CCDC136: variants seen among roughly 807,000 people sequenced by gnomAD.
The protein encoded by CCDC136 is coiled-coil domain containing 136, also known as coiled-coil domain-containing protein 136.
Under a neutral mutation model 141.2 loss-of-function variants are expected in CCDC136, and 100 were observed. The ratio of observed to expected loss-of-function variants is 0.71; its 90% CI spans 0.60 to 0.84. The LOEUF (loss-of-function observed/expected upper bound fraction) is 0.84, where lower values mean the gene tolerates loss of function less well. Among genes scored for constraint, CCDC136 ranks in the 40% least tolerant of loss-of-function variants. CCDC136 has a pLI of 0.00. For missense variants in CCDC136, 1,206 were observed against 1,379.4 expected (o/e 0.87, Z 1.99); for synonymous variants, 474 against 531.9 (o/e 0.89, Z 1.50).
In CCDC136 at chr7:128,815,673, A is replaced by T; in HGVS notation, c.3105A>T (p.Lys1035Asn). The stretch of plus-strand genomic sequence containing the variant: ...AGAGGAAATTAGATGGACTAGCAAA[A>T]GAGGAGGAAAAGAAAGAGGAGATGG... ...ASQRKLDGLA[K>N]EEEKKEEMEE... The change falls in exon 16 of 18, where the codon AAA becomes AAT. Residue 1035 changes from lysine (K) to asparagine (N), a missense_variant. Coordinates refer to ENST00000297788, the MANE Select transcript of CCDC136 (RefSeq NM_022742.5). The T allele has an allele frequency of 6.4e-7, 1 of 1,555,754 alleles. No homozygotes were observed. Among genetic ancestry groups the T allele is most frequent in the Non-Finnish European group, 8.7e-7 (1 of 1,149,334 alleles).
Position 128,805,707 on chromosome 7 carries a change from G to A in CCDC136, c.949-54G>A, listed in dbSNP as rs1225641030. ...CATGCTTTCCCCAAGCTTGTTCTTG[G>A]AGCATATGTGGTATCTGTAGTAAAC... On this transcript the variant is annotated intron_variant, in intron 6 of 17. Transcript: ENST00000297788. The surrounding 1 kb of genome is among the most constrained non-coding windows in gnomAD (Gnocchi z 4.6). The A allele has an allele frequency of 1.2e-6, 2 of 1,602,378 alleles. No homozygotes were observed. The highest frequency in any genetic ancestry group is 8.5e-7 in the Non-Finnish European group (1 of 1,173,208).
intron 4 of CCDC136, among the ~76,000 whole-genome samples, chr7:128,802,221 T>G (rs147553356): frequency 6.6e-6 from 1 of 152,302 alleles, no homozygotes; most frequent in African/African-American, 2.4e-5. Context: ...TTTCAGACAG[T>G]GAGTCTCCCA....
chr7:128,808,780 C>T, intron 10 of CCDC136: 1 of 985,378 alleles, frequency 1.0e-6, no homozygotes, highest in Non-Finnish European at 1.2e-6. Flanking sequence ...CTGTGACTTG[C>T]TCGTCACCTC....
chr7:128,796,189 T>G (rs776904161), intron 3 of CCDC136, among the ~76,000 whole-genome samples: 3 of 152,184 alleles, frequency 2.0e-5, no homozygotes, highest in Non-Finnish European at 4.4e-5. Flanking sequence ...TTGGCCAGGC[T>G]GGTCTTGAAG....
chr7:128,809,430 A>G lies in CCDC136; in HGVS notation c.1606-20A>G. 1.7e-6 allele frequency: 2 copies of G among 1,189,914 alleles called. No homozygotes were observed. The highest frequency in any genetic ancestry group is 1.5e-5 in the African/African-American group (1 of 64,712). 73.7% of individuals were successfully genotyped at this position (1,189,914 alleles called of 1,614,324 possible). ...ACCTTACAGAGTAACCACCCCCTCC[A>G]CACCCGCCCCCACCCACAGTGTGAC... On this transcript the variant is annotated intron_variant, in intron 10 of 17. Transcript: ENST00000297788.
chr7:128,820,345 C>T (rs1296454593), intron 17 of CCDC136, among the ~76,000 whole-genome samples: 3 of 152,180 alleles, frequency 2.0e-5, no homozygotes, highest in Admixed American at 1.3e-4. Context: ...AACATGATTC[C>T]GGTGATTTGT....
At chr7:128,791,325 T>C (rs1802132382), upstream of CCDC136, 3 of 378,836 alleles carry the variant, frequency 7.9e-6, no homozygotes, top group Admixed American at 1.4e-4. This position sits in a 1 kb window ranked among gnomAD's most constrained non-coding sequence, Gnocchi z 7.1. Context: ...TCCCGAGTGC[T>C]GGGAGGGCTT....
chr7:128,817,818 T>G lies in CCDC136; in HGVS notation c.3424T>G (p.Ser1142Ala), dbSNP rs1373222876. 6.2e-7 allele frequency: 1 copy of G among 1,613,934 alleles called. No homozygotes were observed. The highest frequency in any genetic ancestry group is 8.5e-7 in the Non-Finnish European group (1 of 1,179,874). Residue 1142 changes from serine to alanine, a missense_variant, in exon 17 of 18, where the codon TCG (serine) becomes GCG (alanine). Transcript: ENST00000297788. This position sits in a 1 kb window ranked among gnomAD's most constrained non-coding sequence, Gnocchi z 4.6. ...SLPLVGLVVI[S>A]ALLWCWWAET... Reference sequence around the variant, plus strand: ...GCCTCTTGTAGGCCTGGTGGTCATCTCGGCTTTGCTCTGGTGCTGGTGGGC... The same window carrying G: ...GCCTCTTGTAGGCCTGGTGGTCATCGCGGCTTTGCTCTGGTGCTGGTGGGC...
Position 128,817,860 on chromosome 7 carries a change from T to G in CCDC136, c.*1T>G. 1 of 1,612,172 alleles carries G rather than the reference T, an allele frequency of 6.2e-7. No homozygotes were observed. Among genetic ancestry groups the G allele is most frequent in the South Asian group, 1.1e-5 (1 of 91,028 alleles). On this transcript the variant is annotated 3_prime_UTR_variant, in exon 17 of 18. Coordinates refer to ENST00000297788, the MANE Select transcript of CCDC136 (RefSeq NM_022742.5). The surrounding 1 kb of genome is among the most constrained non-coding windows in gnomAD (Gnocchi z 4.6). ...CTGGTGGGCTGAGACGTCGTCCTAA[T>G]GCAGGTACTGGTATTGCTTCCTCTC...
At chr7:128,791,386 C>T, upstream of CCDC136, 1 of 766,056 alleles carries the variant, frequency 1.3e-6, no homozygotes, top group Non-Finnish European at 1.8e-6. This position sits in a 1 kb window ranked among gnomAD's most constrained non-coding sequence, Gnocchi z 7.1. Flanking sequence ...CGGCCAGGCC[C>T]CGCCCCCTCG....
intron 12 of CCDC136, 48 bp downstream of exon 12, chr7:128,810,414 AT>A (rs1165974555): frequency 2.2e-6 from 3 of 1,386,202 alleles, no homozygotes; most frequent in Non-Finnish European, 3.0e-6. Context: ...GCACAACAGC[AT>A]GGCAGAGAGA....
chr7:128,807,356 C>T lies in CCDC136; in HGVS notation c.1420-4C>T. On this transcript the variant is annotated splice_polypyrimidine_tract_variant and splice_region_variant and intron_variant, in intron 9 of 17. Transcript: ENST00000297788. Reference sequence around the variant, plus strand: ...TGATGGCCAGGCCTGCCTCCCCTGCCCAGGACACAGAGACGCACGCTCAGC... The same window carrying T: ...TGATGGCCAGGCCTGCCTCCCCTGCTCAGGACACAGAGACGCACGCTCAGC... 6.7e-7 allele frequency: 1 copy of T among 1,501,290 alleles called. No individual in the cohort carries two copies. Among genetic ancestry groups the T allele is most frequent in the Non-Finnish European group, 8.9e-7 (1 of 1,121,774 alleles). The allele number at this position is 1,501,290 out of a possible 1,614,324, so 93.0% of individuals were successfully genotyped here.
Position 128,805,298 on chromosome 7 carries a change from C to A in CCDC136, c.783-61C>A, listed in dbSNP as rs1015624976. The A allele has an allele frequency of 4.0e-6, 6 of 1,495,328 alleles. No individual in the cohort carries two copies. In the African/African-American group the frequency reaches 8.3e-5, roughly 21 times the overall value. The allele number at this position is 1,495,328 out of a possible 1,614,324, so 92.6% of individuals were successfully genotyped here. Reference sequence around the variant, plus strand: ...AATGAAGGTATCAGGACAAAGCCTGCATGGCTGGTGATGCCAGGCAGAACT... The same window carrying A: ...AATGAAGGTATCAGGACAAAGCCTGAATGGCTGGTGATGCCAGGCAGAACT... On this transcript the variant is annotated intron_variant, in intron 5 of 17. Coordinates refer to ENST00000297788, the MANE Select transcript of CCDC136 (RefSeq NM_022742.5). The surrounding 1 kb of genome is among the most constrained non-coding windows in gnomAD (Gnocchi z 4.6).
At chr7:128,819,343 C>T (rs1159706364) in intron 17 of CCDC136, among the ~76,000 whole-genome samples, 1 of 152,204 alleles carries the variant, frequency 6.6e-6, no homozygotes, top group East Asian at 1.9e-4. Flanking sequence ...GCGTGGCTGC[C>T]AGGCGGTCAG....
At chr7:128,802,491 C>T (rs1343348125) in intron 4 of CCDC136, among the ~76,000 whole-genome samples, 6 of 152,014 alleles carry the variant, frequency 3.9e-5, no homozygotes, top group African/African-American at 1.2e-4. Flanking sequence ...ATCTCAGCTC[C>T]ACTAATTAGC....
Position 128,805,798 on chromosome 7 carries a change from A to G in CCDC136, c.986A>G (p.His329Arg), listed in dbSNP as rs1174280733. The stretch of plus-strand genomic sequence containing the variant: ...TGTTGTGAGTTGGAAGAGCTACAGC[A>G]TCATCGCCAGGTCAGTGAGGAGGAG... ...ELCCELEELQ[H>R]HRQVSEEEQR... The change falls in exon 7 of 18, where the codon CAT (histidine) becomes CGT (arginine). Residue 329 changes from histidine to arginine, a missense_variant. By Grantham distance (29) the His-to-Arg change is conservative. Coordinates refer to ENST00000297788, the MANE Select transcript of CCDC136 (RefSeq NM_022742.5). The surrounding 1 kb of genome is among the most constrained non-coding windows in gnomAD (Gnocchi z 4.6). The G allele has an allele frequency of 6.2e-7, 1 of 1,613,534 alleles. No homozygotes were observed. Among genetic ancestry groups the G allele is most frequent in the Admixed American group, 1.7e-5 (1 of 59,934 alleles).
At chr7:128,818,146 G>T (rs1806928182) in intron 17 of CCDC136, 1 of 373,374 alleles carries the variant, frequency 2.7e-6, no homozygotes, top group Non-Finnish European at 4.9e-6. Flanking sequence ...AGCCCAGCTT[G>T]GTTGCTGCTG....
chr7:128,801,277 C>T lies in CCDC136; in HGVS notation c.438C>T (p.Ala146=), dbSNP rs1803974008. Residue 146 remains alanine (A), a synonymous_variant, in exon 4 of 18, where the codon GCC becomes GCT. Coordinates refer to ENST00000297788, the MANE Select transcript of CCDC136 (RefSeq NM_022742.5). The part of the protein sequence containing the change: ...LKEIEQELHL[A]QAEIQSLRQA... ...AAATAGAACAGGAATTGCATTTGGC[C>T]CAGGCTGAGATCCAGAGTCTGCGGC... 1 of 1,613,818 alleles carries T rather than the reference C, an allele frequency of 6.2e-7. No individual in the cohort carries two copies. Among genetic ancestry groups the T allele is most frequent in the Admixed American group, 1.7e-5 (1 of 59,976 alleles).
rs138964798 is a variant in CCDC136 at position 128,805,618 on chromosome 7, T to C, written c.948+94T>C. 9 of 1,527,180 alleles carry C rather than the reference T, an allele frequency of 5.9e-6. No homozygotes were observed. The East Asian group carries it at 1.6e-4, about 27-fold the overall frequency. The allele number at this position is 1,527,180 out of a possible 1,614,324, so 94.6% of individuals were successfully genotyped here. On this transcript the variant is annotated intron_variant, in intron 6 of 17. Coordinates refer to ENST00000297788, the MANE Select transcript of CCDC136 (RefSeq NM_022742.5). This position sits in a 1 kb window ranked among gnomAD's most constrained non-coding sequence, Gnocchi z 4.6. The stretch of plus-strand genomic sequence containing the variant: ...TAGAAACATCTCCATAGGCATCCAC[T>C]GTGGAGGGAGATAGTACTCTGGGGT...
Sources: allele counts gnomAD v4.1 joint callset (sites outside exome capture counted in the v4.1 genomes callset), GRCh38; gene constraint gnomAD v4.1.1; non-coding constraint Gnocchi (gnomAD v3.1); transcripts MANE v1.5; gene names NCBI Gene and HGNC (gene_info 2026-07-23, HGNC 2026-07-21).